The following TFEC variants were observed in gnomAD, a reference collection of about 807,000 sequenced individuals.
TFEC encodes the protein class E basic helix-loop-helix protein 34.
In TFEC, 31 loss-of-function variants were observed where a neutral mutation model predicts 41.6. The observed-to-expected ratio is 0.74, with a 90% CI of 0.56 to 1.01. The LOEUF (loss-of-function observed/expected upper bound fraction) is 1.01, where lower values mean the gene tolerates loss of function less well. Ranked by LOEUF, TFEC falls within the 50% of genes least tolerant of loss-of-function variation. The pLI, the probability that TFEC is intolerant of heterozygous loss-of-function variation, is 0.00. For missense variants in TFEC, 402 were observed against 404.1 expected (o/e 0.99, Z 0.04); for synonymous variants, 143 against 140.6 (o/e 1.02, Z -0.12).
In TFEC at chr7:115,956,751, T is replaced by A. The variant is rs761608661; in HGVS notation, c.310A>T (p.Ile104Phe). ...ILDVYSGEQG[I>F]SPINMGLTSA... ...GTAAGCCCCATGTTAATTGGTGAAA[T>A]TCCTTGTTCACCGCTATACACATCC... The change falls in exon 4 of 8, where the codon ATT (isoleucine) becomes TTT (phenylalanine). Residue 104 changes from isoleucine (I) to phenylalanine (F), a missense_variant. Ile to Phe is a conservative substitution (Grantham distance 21). Coordinates refer to ENST00000265440, the MANE Select transcript of TFEC (RefSeq NM_012252.4). 1.9e-6 allele frequency: 3 copies of A among 1,610,434 alleles called. No individual in the cohort carries two copies. Among genetic ancestry groups the A allele is most frequent in the Admixed American group, 3.3e-5 (2 of 59,724 alleles).
At chr7:116,128,262 G>A (rs1798255860) in intron 1 of TFEC, among the ~76,000 whole-genome samples, 1 of 151,844 alleles carries the variant, frequency 6.6e-6, no homozygotes, top group Non-Finnish European at 1.5e-5. Flanking sequence ...TAAAAGCAAT[G>A]AGAAATAGAA....
At chr7:116,102,597 T>G (rs1264573391) in intron 3 of TFEC, among the ~76,000 whole-genome samples, 1 of 152,158 alleles carries the variant, frequency 6.6e-6, no homozygotes, top group Non-Finnish European at 1.5e-5. Flanking sequence ...GATTTGGCAA[T>G]AACAAAGATG....
intron 1 of TFEC, 56 bp from the exon 2 acceptor site, chr7:115,984,569 T>A: frequency 6.4e-7 from 1 of 1,567,924 alleles, no homozygotes; most frequent in South Asian, 1.2e-5. Flanking sequence ...GAAATTAGAG[T>A]TCTCCTTTCC....
chr7:116,086,028 T>G (rs928376941), intron 3 of TFEC, among the ~76,000 whole-genome samples: 2 of 151,918 alleles, frequency 1.3e-5, no homozygotes, highest in African/African-American at 4.8e-5. Context: ...TGGTTGTCTA[T>G]TCCTCATTTT....
intron 1 of TFEC, among the ~76,000 whole-genome samples, chr7:116,138,824 C>A (rs1486350592): frequency 6.6e-6 from 1 of 152,120 alleles, no homozygotes; most frequent in South Asian, 2.1e-4. Context: ...AATTTGAACT[C>A]TAATAAATTA....
At chr7:116,029,611 C>A (rs992497990) in intron 1 of TFEC, among the ~76,000 whole-genome samples, 3 of 151,654 alleles carry the variant, frequency 2.0e-5, no homozygotes, top group African/African-American at 7.3e-5. Context: ...TATTCTAAGA[C>A]AATATTGAAA....
At chr7:115,947,304 T>C (rs1791643763) in intron 6 of TFEC, among the ~76,000 whole-genome samples, 1 of 151,692 alleles carries the variant, frequency 6.6e-6, no homozygotes. Flanking sequence ...CACATTTTCT[T>C]AATCCAGTCT....
intron 3 of TFEC, among the ~76,000 whole-genome samples, chr7:116,060,797 A>G (rs937676432): frequency 2.6e-5 from 4 of 152,130 alleles, no homozygotes; most frequent in Non-Finnish European, 4.4e-5. Flanking sequence ...AACCTGCACA[A>G]CAAACCCCTG....
At chr7:115,992,528 A>C (rs1794169251) in intron 1 of TFEC, among the ~76,000 whole-genome samples, 1 of 152,204 alleles carries the variant, frequency 6.6e-6, no homozygotes, top group Admixed American at 6.5e-5. Flanking sequence ...AGGGGGTGGC[A>C]CCACTGATCC....
At chr7:115,982,709 C>A (rs529743994) in intron 2 of TFEC, among the ~76,000 whole-genome samples, 2 of 152,158 alleles carry the variant, frequency 1.3e-5, no homozygotes, top group Non-Finnish European at 2.9e-5. Flanking sequence ...AAGGCCAGAG[C>A]AATTCTTGGG....
intron 3 of TFEC, among the ~76,000 whole-genome samples, chr7:116,100,943 TG>T (rs1393115849): frequency 1.3e-5 from 2 of 151,950 alleles, no homozygotes; most frequent in African/African-American, 2.4e-5. Flanking sequence ...CGGAAGCAAA[TG>T]TTTTTTTTTC....
intron 5 of TFEC, among the ~76,000 whole-genome samples, chr7:115,952,078 T>C (rs1164121945): frequency 6.6e-6 from 1 of 152,074 alleles, no homozygotes; most frequent in South Asian, 2.1e-4. Flanking sequence ...GAACTGCTAC[T>C]AGAAACAAGG....
intron 3 of TFEC, among the ~76,000 whole-genome samples, chr7:115,973,566 G>T (rs1793232314): frequency 6.6e-6 from 1 of 151,798 alleles, no homozygotes; most frequent in East Asian, 1.9e-4. Flanking sequence ...ACAATCAGAA[G>T]GCGCATAGCA....
intron 3 of TFEC, among the ~76,000 whole-genome samples, chr7:116,038,179 C>A (rs1371240141): frequency 6.6e-6 from 1 of 151,922 alleles, no homozygotes; most frequent in African/African-American, 2.4e-5. Context: ...TTCTATAATA[C>A]CAAGGACTAA....
intron 3 of TFEC, among the ~76,000 whole-genome samples, chr7:116,107,682 A>T (rs1471429906): frequency 6.6e-6 from 1 of 152,124 alleles, no homozygotes; most frequent in East Asian, 1.9e-4. Context: ...ATACTGGGTT[A>T]CTCTTACCGG....
intron 1 of TFEC, among the ~76,000 whole-genome samples, chr7:116,012,247 A>G (rs1276028857): frequency 2.0e-5 from 3 of 152,184 alleles, no homozygotes; most frequent in Admixed American, 2.0e-4. Flanking sequence ...GAGTTTAAAC[A>G]TTAATATTTA....
In TFEC at chr7:115,941,018, T is replaced by C. The variant is rs546711848; in HGVS notation, c.664-87A>G. 9 of 1,244,824 alleles carry C rather than the reference T, an allele frequency of 7.2e-6. No homozygotes were observed. In the African/African-American group the frequency reaches 1.4e-4, roughly 19 times the overall value. The allele number at this position is 1,244,824 out of a possible 1,614,324, so 77.1% of individuals were successfully genotyped here. ...TAAGCCAGACATAGAATCAAAATAT[T>C]AACAAGCATTTAAAATGAAGAGTAA... On this transcript the variant is annotated intron_variant, in intron 7 of 7. Coordinates refer to ENST00000265440, the MANE Select transcript of TFEC (RefSeq NM_012252.4).
intron 6 of TFEC, among the ~76,000 whole-genome samples, chr7:115,943,059 G>T (rs574423470): frequency 1.3e-5 from 2 of 152,134 alleles, no homozygotes; most frequent in South Asian, 4.1e-4. Context: ...AATATTAAAA[G>T]AAGAGACATT....
intron 3 of TFEC, among the ~76,000 whole-genome samples, chr7:116,051,261 C>T (rs6978073): frequency 0.099 from 15,089 of 152,120 alleles, 822 homozygotes; most frequent in African/African-American, 0.13. Context: ...CAAACCTGCA[C>T]GTTGTGCACA....
Sources: allele counts gnomAD v4.1 joint callset (sites outside exome capture counted in the v4.1 genomes callset), GRCh38; gene constraint gnomAD v4.1.1; transcripts MANE v1.5; gene names NCBI Gene and HGNC (gene_info 2026-07-23, HGNC 2026-07-21).